Variants in FAF1 observed in about 807,000 individuals in gnomAD.
FAF1 encodes the protein FAS-associated factor 1.
FAF1 carries 25 observed loss-of-function variants against 92.5 expected under a neutral mutation model. The observed-to-expected ratio is 0.27, with a 90% CI of 0.20 to 0.38. The LOEUF is 0.38. FAF1 is among the 10% of genes least tolerant of loss of function. The probability of loss-of-function intolerance (pLI) is 1.00; values close to 1 mark genes in which losing one functional copy is unlikely to be tolerated. For synonymous variants in FAF1, 234 were observed against 273.2 expected, an observed-to-expected ratio of 0.86 and a Z score of 1.42; for missense variants, 636 against 793.3, an observed-to-expected ratio of 0.80 and a Z score of 2.38.
In FAF1 at chr1:50,567,826, T is replaced by G. The variant is rs757814358; in HGVS notation, c.1114-595A>C. ...GACATGTAATTGACATTTGAAGAGATAGAAAAATATTCAGTTCACATGCAT... is the reference window on the plus strand; with the variant it reads ...GACATGTAATTGACATTTGAAGAGAGAGAAAAATATTCAGTTCACATGCAT... On this transcript the variant is annotated intron_variant, in intron 12 of 18. Transcript: ENST00000396153. 2.0e-5 allele frequency among the ~76,000 whole-genome samples: 3 copies of G among 152,228 alleles called. 1 individual carries two copies. The East Asian group carries it at 5.8e-4, about 29-fold the overall frequency.
At chr1:50,455,766 G>A (rs948708667) in intron 18 of FAF1, among the ~76,000 whole-genome samples, 4 of 152,124 alleles carry the variant, frequency 2.6e-5, no homozygotes, top group Non-Finnish European at 5.9e-5. Context: ...AGGAGACATG[G>A]TTCCCAGCTT....
Position 50,622,184 on chromosome 1 carries a change from G to GA in FAF1, c.745-25969dup, listed in dbSNP as rs141694380. Among the ~76,000 whole-genome samples the GA allele has an allele frequency of 1.1e-3, 156 of 145,328 alleles. 1 individual carries two copies. Among genetic ancestry groups the GA allele is most frequent in the African/African-American group, 3.0e-3 (118 of 39,522 alleles). ...CATCTCAAAAAAAAAAAAATAAAAAGAAAAAAAAAAGAAAGATTACCCTGC... is the reference window on the plus strand; with the variant it reads ...CATCTCAAAAAAAAAAAAATAAAAAGAAAAAAAAAAAGAAAGATTACCCTGC... On this transcript the variant is annotated intron_variant, in intron 8 of 18. Coordinates refer to ENST00000396153, the MANE Select transcript of FAF1 (RefSeq NM_007051.3).
intron 1 of FAF1, among the ~76,000 whole-genome samples, chr1:50,870,810 T>C (rs1644521604): frequency 2.6e-5 from 4 of 152,152 alleles, no homozygotes; most frequent in Admixed American, 2.6e-4. Flanking sequence ...ACGAGGCCAA[T>C]TAATAATCCA....
chr1:50,828,425 C>T (rs1480740387), intron 2 of FAF1, among the ~76,000 whole-genome samples: 5 of 152,046 alleles, frequency 3.3e-5, no homozygotes, highest in Admixed American at 6.5e-5. Flanking sequence ...CCCGCCACCA[C>T]GTCCGGCTAA....
intron 14 of FAF1, among the ~76,000 whole-genome samples, chr1:50,539,059 T>C (rs1462092783): frequency 2.6e-5 from 4 of 152,216 alleles, no homozygotes; most frequent in African/African-American, 9.6e-5. Flanking sequence ...ACAAAATCAT[T>C]CACTTCTTTT....
At chr1:50,684,774 T>A (rs150468672) in intron 7 of FAF1, among the ~76,000 whole-genome samples, 1 of 152,336 alleles carries the variant, frequency 6.6e-6, no homozygotes, top group East Asian at 1.9e-4. Context: ...ACAATATAGA[T>A]AGAACGTGAT....
intron 4 of FAF1, among the ~76,000 whole-genome samples, chr1:50,784,632 A>G (rs559841219): frequency 3.3e-5 from 5 of 152,340 alleles, no homozygotes; most frequent in African/African-American, 4.8e-5. Context: ...TGCAGATTCA[A>G]TGCAATCTCT....
intron 17 of FAF1, among the ~76,000 whole-genome samples, chr1:50,485,020 G>C (rs997130406): frequency 2.7e-5 from 4 of 150,654 alleles, no homozygotes; most frequent in African/African-American, 4.9e-5. Context: ...CGAGTTAATG[G>C]GTGCAGCACA....
chr1:50,665,575 T>C (rs1258369659), intron 7 of FAF1, among the ~76,000 whole-genome samples: 1 of 152,200 alleles, frequency 6.6e-6, no homozygotes, highest in Non-Finnish European at 1.5e-5. Context: ...TTTCTGTCCA[T>C]AAAGTTACAC....
chr1:50,624,005 G>A (rs557569119), intron 8 of FAF1, among the ~76,000 whole-genome samples: 2 of 125,382 alleles, frequency 1.6e-5, no homozygotes, highest in Admixed American at 7.5e-5. Context: ...GAAGGAAGAA[G>A]AAGAAAGAAG....
chr1:50,489,453 T>A (rs1192717079), intron 17 of FAF1, among the ~76,000 whole-genome samples: 2 of 152,244 alleles, frequency 1.3e-5, no homozygotes, highest in Non-Finnish European at 2.9e-5. Context: ...AATGTTCTTT[T>A]CTATGAAGCC....
At chr1:50,553,572 C>T (rs1378693110) in intron 13 of FAF1, among the ~76,000 whole-genome samples, 1 of 152,054 alleles carries the variant, frequency 6.6e-6, no homozygotes, top group Non-Finnish European at 1.5e-5. Context: ...AACAGAAGCC[C>T]ACAATAAAAT....
At chr1:50,930,369 G>A (rs1257265761) in intron 1 of FAF1, among the ~76,000 whole-genome samples, 1 of 152,096 alleles carries the variant, frequency 6.6e-6, no homozygotes, top group African/African-American at 2.4e-5. Context: ...TATATTGGCA[G>A]GAAACAATGT....
chr1:50,780,786 A>G, intron 4 of FAF1: 1 of 359,234 alleles, frequency 2.8e-6, no homozygotes, highest in Non-Finnish European at 5.6e-6. Context: ...CACACAGGTG[A>G]GTGATGGACT....
At chr1:50,623,993 A>T (rs1313886256) in intron 8 of FAF1, among the ~76,000 whole-genome samples, 1 of 151,002 alleles carries the variant, frequency 6.6e-6, no homozygotes, top group Admixed American at 6.6e-5. Flanking sequence ...GAAGAGGAAG[A>T]AGAAGGAAGA....
chr1:50,752,982 C>A (rs1163196064), intron 4 of FAF1, among the ~76,000 whole-genome samples: 1 of 152,180 alleles, frequency 6.6e-6, no homozygotes, highest in African/African-American at 2.4e-5. Context: ...CTGCACCCAA[C>A]CATCATCCTC....
intron 8 of FAF1, among the ~76,000 whole-genome samples, chr1:50,631,305 T>C (rs1242224628): frequency 1.3e-5 from 2 of 152,180 alleles, no homozygotes; most frequent in African/African-American, 4.8e-5. Context: ...TTGCATGCCA[T>C]ACTAAGTAGC....
chr1:50,944,852 G>A (rs1043991180), intron 1 of FAF1, among the ~76,000 whole-genome samples: 48 of 152,296 alleles, frequency 3.2e-4, no homozygotes, highest in African/African-American at 1.0e-3. Flanking sequence ...AAATTGGTCA[G>A]GGTGGAATCC....
At chr1:50,947,898 A>G (rs1486378415) in intron 1 of FAF1, among the ~76,000 whole-genome samples, 1 of 152,204 alleles carries the variant, frequency 6.6e-6, no homozygotes, top group Non-Finnish European at 1.5e-5. Flanking sequence ...AACAGCCTAA[A>G]CTAAGAATAT....
Sources: gnomAD v4.1 joint callset for allele counts (sites outside exome capture counted in the v4.1 genomes callset) on GRCh38, gnomAD v4.1.1 for gene constraint, MANE v1.5 for transcripts, NCBI Gene and HGNC (gene_info 2026-07-23, HGNC 2026-07-21) for gene names.